The following DYRK1A variants were observed in gnomAD, a reference collection of about 807,000 sequenced individuals.
DYRK1A encodes dual specificity tyrosine phosphorylation regulated kinase 1A, also known as dual specificity tyrosine-phosphorylation-regulated kinase 1A.
DYRK1A carries 9 observed loss-of-function variants against 79.7 expected under a neutral mutation model. That is an observed-to-expected ratio of 0.11 (90% CI 0.07 to 0.20). The LOEUF (loss-of-function observed/expected upper bound fraction) is 0.20. Ranked by LOEUF, DYRK1A falls within the 10% of genes least tolerant of loss-of-function variation. The pLI, the probability that DYRK1A is intolerant of heterozygous loss-of-function variation, is 1.00. For synonymous variants in DYRK1A, 349 were observed against 329.7 expected (o/e 1.06, Z -0.63); for missense variants, 622 against 956.0 (o/e 0.65, Z 4.61).
chr21:37,377,292 C>T (rs1419212562), intron 1 of DYRK1A, among the ~76,000 whole-genome samples: 2 of 151,770 alleles, frequency 1.3e-5, no homozygotes, highest in Admixed American at 6.6e-5. Context: ...GCTAATTTTT[C>T]GTATTTTTAG....
intron 2 of DYRK1A, among the ~76,000 whole-genome samples, chr21:37,424,437 G>C (rs912173469): frequency 3.3e-5 from 5 of 151,668 alleles, no homozygotes; most frequent in Non-Finnish European, 7.4e-5. Flanking sequence ...CTACAGTGTG[G>C]CACATTCCCT....
At chr21:37,426,673 G>C (rs1011619684) in intron 2 of DYRK1A, among the ~76,000 whole-genome samples, 1 of 151,726 alleles carries the variant, frequency 6.6e-6, no homozygotes, top group African/African-American at 2.4e-5. Flanking sequence ...CACTTTGGGA[G>C]GCCGAGGCGG....
chr21:37,467,715 G>GT (rs2052078145), intron 2 of DYRK1A, among the ~76,000 whole-genome samples: 1 of 152,164 alleles, frequency 6.6e-6, no homozygotes, highest in African/African-American at 2.4e-5. Flanking sequence ...TCTGGGAATA[G>GT]TATCTGTTAA....
At chr21:37,506,484 C>A in intron 11 of DYRK1A, 3 of 1,054,802 alleles carry the variant, frequency 2.8e-6, no homozygotes, top group Non-Finnish European at 4.0e-6. Flanking sequence ...TCTCATTTAC[C>A]AAAGCAGCGT....
At chr21:37,366,449 G>T (rs1485162789), upstream of DYRK1A, among the ~76,000 whole-genome samples, 2 of 148,040 alleles carry the variant, frequency 1.4e-5, no homozygotes, top group East Asian at 4.0e-4. Context: ...GGGCGATCGC[G>T]CACAGGCCTG....
At chr21:37,395,453 T>C (rs1424440026) in intron 1 of DYRK1A, among the ~76,000 whole-genome samples, 1 of 152,132 alleles carries the variant, frequency 6.6e-6, no homozygotes, top group East Asian at 1.9e-4. Context: ...GGATGGAAAA[T>C]CTTAGATGTT....
intron 1 of DYRK1A, among the ~76,000 whole-genome samples, chr21:37,367,859 C>T (rs1412456837): frequency 1.3e-5 from 2 of 151,394 alleles, no homozygotes; most frequent in Non-Finnish European, 3.0e-5. Context: ...GCGGGGGCCG[C>T]GGCCTCCCGG....
At position 37,480,713 on chromosome 21, in the gene DYRK1A, G is replaced by C. The variant is rs1297803457; in HGVS notation, c.376G>C (p.Val126Leu). ...DDSSHKKERK[V>L]YNDGYDDDNY... is the part of the protein sequence containing the mutation. ...TTCTAGTCATAAGAAGGAACGGAAGGTTTACAATGATGGTTATGATGATGA... is the reference window on the plus strand; with the variant it reads ...TTCTAGTCATAAGAAGGAACGGAAGCTTTACAATGATGGTTATGATGATGA... The change falls in exon 5 of 12, where the codon GTT (valine) becomes CTT (leucine). Residue 126 changes from valine to leucine, a missense_variant. Transcript: ENST00000647188. 1 of 1,613,230 alleles carries C rather than the reference G, an allele frequency of 6.2e-7. No individual in the cohort carries two copies. The highest frequency in any genetic ancestry group is 1.7e-5 in the Admixed American group (1 of 59,862).
At chr21:37,450,773 G>A (rs1306673531) in intron 2 of DYRK1A, among the ~76,000 whole-genome samples, 1 of 152,118 alleles carries the variant, frequency 6.6e-6, no homozygotes, top group Admixed American at 6.5e-5. Context: ...CCTTTGCCTT[G>A]TTGTTATGAG....
chr21:37,377,394 C>A (rs1246744841), intron 1 of DYRK1A, among the ~76,000 whole-genome samples: 1 of 152,168 alleles, frequency 6.6e-6, no homozygotes, highest in African/African-American at 2.4e-5. Flanking sequence ...GCTGGGATTA[C>A]AGGCTTGAGC....
At chr21:37,496,045 A>G (rs2053257599) in intron 8 of DYRK1A, 73 bp from the exon 9 acceptor site, 1 of 1,460,932 alleles carries the variant, frequency 6.8e-7, no homozygotes, top group African/African-American at 1.4e-5. Flanking sequence ...TTATTTATGA[A>G]TGAATGACTT....
At chr21:37,489,012 T>C (rs775722375) in intron 6 of DYRK1A, 21 of 306,068 alleles carry the variant, frequency 6.9e-5, no homozygotes, top group Non-Finnish European at 1.0e-4. Context: ...CATGTAGTTA[T>C]TTTTATTGTG....
rs775453396 is a variant in DYRK1A at position 37,512,540 on chromosome 21, A to C, written c.*9A>C. 6 of 1,602,662 alleles carry C rather than the reference A, an allele frequency of 3.7e-6. No homozygotes were observed. The East Asian group carries it at 1.3e-4, about 36-fold the overall frequency. ...CTGTAGCTAGCTCGTGACTACATTG[A>C]AACTTGAGTTTGTTTCTTGTGTGTT... On this transcript the variant is annotated 3_prime_UTR_variant, in exon 12 of 12. Coordinates refer to ENST00000647188, the MANE Select transcript of DYRK1A (RefSeq NM_001347721.2).
At chr21:37,420,886 C>A (rs1319401868) in intron 2 of DYRK1A, among the ~76,000 whole-genome samples, 1 of 152,026 alleles carries the variant, frequency 6.6e-6, no homozygotes, top group Non-Finnish European at 1.5e-5. Flanking sequence ...CATTTCCTTT[C>A]TTCCCACCCT....
chr21:37,398,215 G>A (rs779806651), intron 1 of DYRK1A, among the ~76,000 whole-genome samples: 1 of 151,104 alleles, frequency 6.6e-6, no homozygotes, highest in African/African-American at 2.4e-5. Context: ...ACAGTGGCAG[G>A]CACCTGTAAT....
At chr21:37,418,696 T>G (rs2050405964) in intron 1 of DYRK1A, among the ~76,000 whole-genome samples, 1 of 152,226 alleles carries the variant, frequency 6.6e-6, no homozygotes, top group Admixed American at 6.5e-5. Context: ...AAAGATAATC[T>G]TGATTCAATT....
At chr21:37,372,033 C>T (rs913086927) in intron 1 of DYRK1A, among the ~76,000 whole-genome samples, 12 of 152,148 alleles carry the variant, frequency 7.9e-5, no homozygotes, top group African/African-American at 2.9e-4. Flanking sequence ...GTTGGTTCTT[C>T]TACCAGAGCT....
chr21:37,496,031 C>T lies in DYRK1A; in HGVS notation c.1072-87C>T, dbSNP rs551109966. 2.2e-4 allele frequency: 296 copies of T among 1,330,962 alleles called. No homozygotes were observed. The African/African-American group carries it at 2.7e-3, about 12-fold the overall frequency. The allele number at this position is 1,330,962 out of a possible 1,614,324, so 82.4% of individuals were successfully genotyped here. A position where few individuals can be genotyped will look rare whatever the true frequency, so the allele number is the denominator to read the frequency against. ...GAGTGCCAGACACACAGGAGGTGTG[C>T]AATTTATTTATGAATGAATGACTTG... On this transcript the variant is annotated intron_variant, in intron 8 of 11. Coordinates refer to ENST00000647188, the MANE Select transcript of DYRK1A (RefSeq NM_001347721.2).
At chr21:37,383,041 C>T (rs907315945) in intron 1 of DYRK1A, among the ~76,000 whole-genome samples, 2 of 152,192 alleles carry the variant, frequency 1.3e-5, no homozygotes, top group African/African-American at 4.8e-5. Context: ...CGATCTCCAC[C>T]ATTAAGAAAG....
Sources: allele counts gnomAD v4.1 joint callset (sites outside exome capture counted in the v4.1 genomes callset), GRCh38; gene constraint gnomAD v4.1.1; transcripts MANE v1.5; gene names NCBI Gene and HGNC (gene_info 2026-07-23, HGNC 2026-07-21).